RPH3AL: variants seen among roughly 807,000 people sequenced by gnomAD.
RPH3AL encodes the protein rab effector Noc2.
Under a neutral mutation model 43.1 loss-of-function variants are expected in RPH3AL, and 38 were observed. The ratio of observed to expected loss-of-function variants is 0.88; its 90% confidence interval spans 0.68 to 1.15. The LOEUF is 1.15. Among genes scored for constraint, RPH3AL ranks in the 50% most tolerant of loss-of-function variants. The pLI is 0.00. For missense variants in RPH3AL, 462 were observed against 423.2 expected, an observed-to-expected ratio of 1.09 and a Z score of -0.81; for synonymous variants, 189 against 176.3, an observed-to-expected ratio of 1.07 and a Z score of -0.57.
At chr17:316,524 C>T (rs537378288) in intron 5 of RPH3AL, among the ~76,000 whole-genome samples, 6 of 148,712 alleles carry the variant, frequency 4.0e-5, no homozygotes, top group Non-Finnish European at 8.9e-5. Flanking sequence ...CTCCAGTGAC[C>T]TGTAGTCCCT....
At chr17:297,967 C>T (rs11655614) in intron 5 of RPH3AL, among the ~76,000 whole-genome samples, 24,992 of 152,082 alleles carry the variant, frequency 0.16, 2,247 homozygotes, top group African/African-American at 0.22. Context: ...TCCCTGGCCC[C>T]CACCTCTCTC....
chr17:237,524 A>G (rs977117825), intron 7 of RPH3AL, among the ~76,000 whole-genome samples: 2 of 152,200 alleles, frequency 1.3e-5, no homozygotes, highest in Non-Finnish European at 2.9e-5. Flanking sequence ...AGGGAAAAGG[A>G]ATTTGCCTCC....
At chr17:314,554 T>G (rs9907764) in intron 5 of RPH3AL, among the ~76,000 whole-genome samples, 2 of 54,578 alleles carry the variant, frequency 3.7e-5, no homozygotes, top group African/African-American at 1.1e-4. Context: ...ACCTGTAGTC[T>G]CTGTGCCCCA....
At chr17:309,026 G>T (rs34830635) in intron 5 of RPH3AL, among the ~76,000 whole-genome samples, 1 of 152,164 alleles carries the variant, frequency 6.6e-6, no homozygotes, top group Non-Finnish European at 1.5e-5. Context: ...GGCTGGCTGT[G>T]GTGGCTCAAG....
rs543574564 is a variant in RPH3AL, at chr17:310,388, G to A, written c.351+9032C>T. Among the ~76,000 whole-genome samples the A allele has an allele frequency of 5.3e-5, 8 of 152,220 alleles. No individual in the cohort carries two copies. In the South Asian group the frequency reaches 6.2e-4, roughly 12 times the overall value. On this transcript the variant is annotated intron_variant, in intron 5 of 9. Transcript: ENST00000331302. ...CGCTGCCAGGGCTCCTGCTGGGGGCGCGTGTGTGTGCCCAGGAGCACCTGA... is the reference window on the plus strand; with the variant it reads ...CGCTGCCAGGGCTCCTGCTGGGGGCACGTGTGTGTGCCCAGGAGCACCTGA...
In RPH3AL at chr17:245,453, G is replaced by A. The variant is rs927341480; in HGVS notation, c.613+1658C>T. ...TGTAGGTGTGAGCGTGTGTCAATGC[G>A]GTTGTGTTTGTGTGCGTGGATGTGA... On this transcript the variant is annotated intron_variant, in intron 7 of 9. Transcript: ENST00000331302. The surrounding 1 kb of genome is among the most constrained non-coding windows in gnomAD (Gnocchi z 5.9). Among the ~76,000 whole-genome samples, 15 of 149,710 alleles carry A rather than the reference G, an allele frequency of 1.0e-4. No individual in the cohort carries two copies. Among genetic ancestry groups the A allele is most frequent in the Admixed American group, 2.0e-4 (3 of 14,914 alleles).
intron 6 of RPH3AL, among the ~76,000 whole-genome samples, chr17:248,241 A>G (rs1267968003): frequency 6.6e-6 from 1 of 152,016 alleles, no homozygotes; most frequent in Non-Finnish European, 1.5e-5. Flanking sequence ...CCCTCTTGCC[A>G]TGTTTGTCAC....
chr17:309,940 G>A (rs1290418561), intron 5 of RPH3AL, among the ~76,000 whole-genome samples: 2 of 152,116 alleles, frequency 1.3e-5, no homozygotes, highest in Non-Finnish European at 2.9e-5. Flanking sequence ...TAAGGGACGT[G>A]GGCAAAATAT....
rs77161021 is a variant in RPH3AL, at chr17:329,977, C to T, written c.-36-2398G>A. Among the ~76,000 whole-genome samples, 1,479 of 152,346 alleles carry T rather than the reference C, an allele frequency of 9.7e-3. 22 individuals are homozygous for T. The highest frequency in any genetic ancestry group is 0.033 in the African/African-American group (1,389 of 41,584). Reference sequence around the variant, plus strand: ...ATCAATGAACTTCTCCTTTTCTGTACATTTGTGACAGGATAAAACCCAGAG... The same window carrying T: ...ATCAATGAACTTCTCCTTTTCTGTATATTTGTGACAGGATAAAACCCAGAG... On this transcript the variant is annotated intron_variant, in intron 2 of 9. Transcript: ENST00000331302.
At chr17:253,178 G>A (rs888988196) in intron 6 of RPH3AL, among the ~76,000 whole-genome samples, 8 of 152,304 alleles carry the variant, frequency 5.3e-5, no homozygotes, top group South Asian at 2.1e-4. Context: ...AGGGGCGTGG[G>A]GCGAACAATG....
In RPH3AL at chr17:283,699, A is replaced by G. The variant is rs1457557322; in HGVS notation, c.352-1845T>C. Among the ~76,000 whole-genome samples the G allele has an allele frequency of 1.3e-5, 2 of 152,134 alleles. No individual in the cohort carries two copies. Among genetic ancestry groups the G allele is most frequent in the East Asian group, 1.9e-4 (1 of 5,174 alleles). ...GGGAGCATGTGGTCATATCTGTGCC[A>G]GTCCTGGGTTTGGGATCATTGCTAG... On this transcript the variant is annotated intron_variant, in intron 5 of 9. Transcript: ENST00000331302. The surrounding 1 kb of genome is among the most constrained non-coding windows in gnomAD (Gnocchi z 4.2).
At chr17:226,388 C>T (rs2041107551) in intron 7 of RPH3AL, among the ~76,000 whole-genome samples, 1 of 152,192 alleles carries the variant, frequency 6.6e-6, no homozygotes. Context: ...CGTGAAGAAG[C>T]AGGGAAGAGC....
chr17:258,176 C>T (rs2042107783), intron 6 of RPH3AL, among the ~76,000 whole-genome samples: 3 of 152,176 alleles, frequency 2.0e-5, no homozygotes, highest in Admixed American at 6.5e-5. Flanking sequence ...TCCCCCTTTT[C>T]GCTGGTCCTT....
At chr17:234,957 G>C (rs972696424) in intron 7 of RPH3AL, among the ~76,000 whole-genome samples, 1 of 152,188 alleles carries the variant, frequency 6.6e-6, no homozygotes, top group Non-Finnish European at 1.5e-5. Flanking sequence ...ACCTCATTAA[G>C]AATGAATGGA....
intron 1 of RPH3AL, among the ~76,000 whole-genome samples, chr17:344,394 A>ACATCATCACCATCATCACCCACAT (rs1354307541): frequency 7.9e-6 from 1 of 126,018 alleles, no homozygotes; most frequent in Non-Finnish European, 1.8e-5. Flanking sequence ...CCACCATCAG[A>ACATCATCACCATCATCACCCACAT]CATCATCACC....
intron 6 of RPH3AL, among the ~76,000 whole-genome samples, chr17:273,078 G>GTGAGACCCCAGCGAGGGCGACATCAGGA (rs2042544611): frequency 8.7e-6 from 1 of 114,578 alleles, no homozygotes. Context: ...CGACGTCAGG[G>GTGAGACCCCAGCGAGGGCGACATCAGGA]AGAGACCCCA....
intron 6 of RPH3AL, among the ~76,000 whole-genome samples, chr17:252,545 C>T (rs1472830389): frequency 1.3e-5 from 2 of 152,104 alleles, no homozygotes; most frequent in African/African-American, 2.4e-5. Flanking sequence ...GAACTCATAA[C>T]TTCTCCATCA....
At chr17:267,688 G>C (rs934551273) in intron 6 of RPH3AL, among the ~76,000 whole-genome samples, 4 of 152,200 alleles carry the variant, frequency 2.6e-5, no homozygotes, top group African/African-American at 9.6e-5. Context: ...GCTGGGGAAA[G>C]CCTCTAGTTC....
intron 8 of RPH3AL, among the ~76,000 whole-genome samples, chr17:216,843 G>C (rs944200637): frequency 6.6e-6 from 1 of 152,090 alleles, no homozygotes; most frequent in Non-Finnish European, 1.5e-5. Context: ...TGATCACCTA[G>C]TAATGTCTGC....
Sources: gnomAD v4.1 joint callset for allele counts (sites outside exome capture counted in the v4.1 genomes callset) on GRCh38, gnomAD v4.1.1 for gene constraint, Gnocchi (gnomAD v3.1) non-coding constraint, MANE v1.5 for transcripts, NCBI Gene and HGNC (gene_info 2026-07-23, HGNC 2026-07-21) for gene names.